PCDH15: variants seen among roughly 807,000 people sequenced by gnomAD.
PCDH15 encodes the protein protocadherin related 15.
PCDH15 carries 129 observed loss-of-function variants against 178.5 expected under a neutral mutation model. The ratio of observed to expected loss-of-function variants is 0.72; its 90% CI spans 0.63 to 0.84. PCDH15 has a LOEUF of 0.84. Among genes scored for constraint, PCDH15 ranks in the 40% least tolerant of loss-of-function variants. The probability of loss-of-function intolerance (pLI) is 0.00; values close to 1 mark genes in which losing one functional copy is unlikely to be tolerated. For synonymous variants in PCDH15, 800 were observed against 732.0 expected, an observed-to-expected ratio of 1.09 and a Z score of -1.50; for missense variants, 2,230 against 2,099.9, an observed-to-expected ratio of 1.06 and a Z score of -1.21.
chr10:54,247,630 T>C (rs965769620), intron 8 of PCDH15, among the ~76,000 whole-genome samples: 1 of 151,920 alleles, frequency 6.6e-6, no homozygotes, highest in Non-Finnish European at 1.5e-5. Context: ...CAGCGCTTCA[T>C]TGAGATGGCC....
intron 1 of PCDH15, among the ~76,000 whole-genome samples, chr10:54,769,321 C>CTTTT (rs35099531): frequency 6.9e-6 from 1 of 144,122 alleles, no homozygotes; most frequent in Non-Finnish European, 1.5e-5. Context: ...TACGCAATGC[C>CTTTT]TTTTTTTTTT....
At chr10:54,495,179 T>G (rs2079995031) in intron 3 of PCDH15, among the ~76,000 whole-genome samples, 1 of 152,280 alleles carries the variant, frequency 6.6e-6, no homozygotes, top group Non-Finnish European at 1.5e-5. Context: ...GCAACCTATG[T>G]TCTAATGTAA....
chr10:55,575,169 T>C (rs1228348425), intron 2 of PCDH15, among the ~76,000 whole-genome samples: 1 of 152,126 alleles, frequency 6.6e-6, no homozygotes, highest in Non-Finnish European at 1.5e-5. Flanking sequence ...TTGATTTCTG[T>C]AACTTCCCAC....
At chr10:54,128,985 C>A (rs547578168) in intron 15 of PCDH15, among the ~76,000 whole-genome samples, 2 of 152,242 alleles carry the variant, frequency 1.3e-5, no homozygotes, top group South Asian at 2.1e-4. Context: ...TATAATAGTT[C>A]TCTACAGCCT....
chr10:54,357,924 T>C (rs1287950554), intron 5 of PCDH15, among the ~76,000 whole-genome samples: 2 of 152,064 alleles, frequency 1.3e-5, no homozygotes, highest in East Asian at 3.8e-4. Context: ...AAGGATTCCC[T>C]ATTTAATAAA....
At chr10:54,314,130 TACACACACAC>T (rs58949602) in intron 8 of PCDH15, among the ~76,000 whole-genome samples, 37,680 of 149,574 alleles carry the variant, frequency 0.25, 5,076 homozygotes, top group African/African-American at 0.37. Context: ...TAATTGGAAG[TACACACACAC>T]ACACACACAC....
chr10:54,788,764 T>C (rs539902645), intron 1 of PCDH15, among the ~76,000 whole-genome samples: 25 of 151,956 alleles, frequency 1.6e-4, no homozygotes, highest in African/African-American at 5.5e-4. Context: ...AAATCTTCCA[T>C]TGAGTTTAGC....
intron 17 of PCDH15, among the ~76,000 whole-genome samples, chr10:54,073,103 G>A (rs2094276985): frequency 6.6e-6 from 1 of 151,872 alleles, no homozygotes; most frequent in Admixed American, 6.6e-5. Flanking sequence ...GCACATCTGA[G>A]TGTAGTGTGT....
chr10:54,869,672 T>A (rs1954000501), intron 3 of PCDH15, among the ~76,000 whole-genome samples: 7 of 152,194 alleles, frequency 4.6e-5, no homozygotes, highest in Admixed American at 4.6e-4. Flanking sequence ...AGAAATAAGA[T>A]AATGGACATA....
chr10:53,823,398 T>G, intron 32 of PCDH15: 1 of 1,559,890 alleles, frequency 6.4e-7, no homozygotes, highest in Non-Finnish European at 8.8e-7. Flanking sequence ...AGGAAACAAG[T>G]TGTGACACAG....
intron 2 of PCDH15, among the ~76,000 whole-genome samples, chr10:54,636,433 G>A (rs571285721): frequency 4.6e-4 from 70 of 151,604 alleles, no homozygotes; most frequent in African/African-American, 1.6e-3. Context: ...GCAGTCTCAG[G>A]TCTCTTTTCT....
intron 1 of PCDH15, among the ~76,000 whole-genome samples, chr10:54,729,013 T>G (rs1942971326): frequency 6.6e-6 from 1 of 151,540 alleles, no homozygotes; most frequent in African/African-American, 2.4e-5. Flanking sequence ...CTACTACAAA[T>G]TCAATGCTAT....
chr10:55,369,133 A>T lies in PCDH15; in HGVS notation c.-155-202482T>A, dbSNP rs1845436363. ...AGTTTCTATTCATATTTCTCACAGC[A>T]CCAAATCTCTCTGTAACCTTATCAA... On this transcript the variant is annotated intron_variant, in intron 2 of 5. Coordinates refer to the PCDH15 transcript ENST00000613346. 5.9e-5 allele frequency among the ~76,000 whole-genome samples: 9 copies of T among 151,680 alleles called. No individual in the cohort carries two copies. The South Asian group carries it at 1.9e-3, about 31-fold the overall frequency.
chr10:54,565,638 AT>A, intron 2 of PCDH15, among the ~76,000 whole-genome samples: 1 of 152,304 alleles, frequency 6.6e-6, no homozygotes, highest in African/African-American at 2.4e-5. Flanking sequence ...TTATGAAAAT[AT>A]TTTATTCCTT....
At chr10:54,176,548 G>A (rs12246601) in intron 13 of PCDH15, among the ~76,000 whole-genome samples, 66,347 of 151,928 alleles carry the variant, frequency 0.44, 16,149 homozygotes, top group African/African-American at 0.63. Flanking sequence ...TATTATTCTC[G>A]GATTCATAAC....
At position 53,829,167 on chromosome 10, in the gene PCDH15, G is replaced by C. The variant is rs114729926; in HGVS notation, c.4203-594C>G. On this transcript the variant is annotated intron_variant, in intron 30 of 37. Coordinates refer to ENST00000644397, the MANE Select transcript of PCDH15 (RefSeq NM_001384140.1). ...AGCAAATATCAAGGTACAAATGTTA[G>C]GTCTTTAAATATTAGAATTTTACTT... Among the ~76,000 whole-genome samples, 795 of 152,160 alleles carry C rather than the reference G, an allele frequency of 5.2e-3. 9 individuals are homozygous for C. Among genetic ancestry groups the C allele is most frequent in the African/African-American group, 0.018 (768 of 41,532 alleles).
chr10:54,816,099 C>G (rs1266980532), intron 3 of PCDH15, among the ~76,000 whole-genome samples: 2 of 151,952 alleles, frequency 1.3e-5, no homozygotes, highest in Non-Finnish European at 2.9e-5. Flanking sequence ...CCATACATTG[C>G]AAATATTTAC....
chr10:55,603,509 C>G (rs1352693620), intron 2 of PCDH15, among the ~76,000 whole-genome samples: 1 of 151,858 alleles, frequency 6.6e-6, no homozygotes, highest in Non-Finnish European at 1.5e-5. Context: ...GTCAGGTTAC[C>G]CTCAAAGGGA....
At chr10:53,869,144 C>G (rs2079653288) in intron 26 of PCDH15, among the ~76,000 whole-genome samples, 1 of 152,106 alleles carries the variant, frequency 6.6e-6, no homozygotes, top group Admixed American at 6.6e-5. Flanking sequence ...CTCAAACTAC[C>G]GGCTAATCAC....
Sources: allele counts gnomAD v4.1 joint callset (sites outside exome capture counted in the v4.1 genomes callset), GRCh38; gene constraint gnomAD v4.1.1; transcripts MANE v1.5; gene names NCBI Gene and HGNC (gene_info 2026-07-23, HGNC 2026-07-21).